The following PDE10A variants were observed in gnomAD, a reference collection of about 807,000 sequenced individuals.
The protein encoded by PDE10A is cAMP and cAMP-inhibited cGMP 3',5'-cyclic phosphodiesterase 10A.
A neutral mutation model predicts 97.7 loss-of-function variants in PDE10A; 39 were observed. The ratio of observed to expected loss-of-function variants is 0.40; its 90% CI spans 0.31 to 0.52. The LOEUF (loss-of-function observed/expected upper bound fraction) is 0.52, where lower values mean the gene tolerates loss of function less well. PDE10A is among the 20% of genes least tolerant of loss of function. The probability of loss-of-function intolerance (pLI) is 0.56; values close to 1 mark genes in which losing one functional copy is unlikely to be tolerated. For missense variants in PDE10A, 731 were observed against 1,047.8 expected, an observed-to-expected ratio of 0.70 and a Z score of 4.17; for synonymous variants, 371 against 376.8, an observed-to-expected ratio of 0.98 and a Z score of 0.18.
At chr6:165,850,934 A>T (rs1304490413) in intron 1 of PDE10A, among the ~76,000 whole-genome samples, 1 of 152,234 alleles carries the variant, frequency 6.6e-6, no homozygotes, top group African/African-American at 2.4e-5. Context: ...CAAAAGTAGT[A>T]TCTATGTTGT....
intron 1 of PDE10A, among the ~76,000 whole-genome samples, chr6:165,715,717 A>T (rs1379226695): frequency 2.6e-5 from 4 of 152,190 alleles, no homozygotes; most frequent in Non-Finnish European, 1.5e-5. Flanking sequence ...GAAAGAAGAC[A>T]GCATGTTACC....
chr6:165,787,310 GATA>G (rs981724148), intron 1 of PDE10A, among the ~76,000 whole-genome samples: 2 of 152,154 alleles, frequency 1.3e-5, no homozygotes, highest in Non-Finnish European at 2.9e-5. Flanking sequence ...GAAATGAAAT[GATA>G]ATGTTTTCCA....
At chr6:165,576,713 T>A (rs912161058) in intron 1 of PDE10A, among the ~76,000 whole-genome samples, 2 of 152,176 alleles carry the variant, frequency 1.3e-5, no homozygotes, top group African/African-American at 4.8e-5. Context: ...AATATCCCAG[T>A]CATCCTCCAA....
At chr6:165,336,325 A>C in intron 20 of PDE10A, 114 bp from the exon 21 acceptor site, 2 of 717,528 alleles carry the variant, frequency 2.8e-6, no homozygotes, top group Middle Eastern at 4.8e-4. Context: ...ATAAAATTGC[A>C]TGTTCTAGTT....
At chr6:165,371,922 T>C (rs1431663834) in intron 18 of PDE10A, among the ~76,000 whole-genome samples, 1 of 151,978 alleles carries the variant, frequency 6.6e-6, no homozygotes, top group Non-Finnish European at 1.5e-5. Flanking sequence ...GCTGGTTCAA[T>C]ATATGCAAAT....
chr6:165,402,522 G>A (rs943832466), intron 13 of PDE10A, among the ~76,000 whole-genome samples: 1 of 152,052 alleles, frequency 6.6e-6, no homozygotes, highest in Non-Finnish European at 1.5e-5. Flanking sequence ...CTTTTTAGGT[G>A]CATTTTGTAT....
chr6:165,359,706 G>C (rs1286615853), intron 18 of PDE10A, among the ~76,000 whole-genome samples: 1 of 152,022 alleles, frequency 6.6e-6, no homozygotes, highest in Admixed American at 6.6e-5. Context: ...CTTGATTGTG[G>C]GTCCTATTTT....
chr6:165,810,992 C>A (rs6918280), intron 1 of PDE10A, among the ~76,000 whole-genome samples: 150,315 of 152,318 alleles, frequency 0.99, 74,196 homozygotes, highest in East Asian at 1. Context: ...TTGGGAGGCC[C>A]AGGCTGGCAG....
At chr6:165,981,417 T>C (rs895137913) in intron 1 of PDE10A, among the ~76,000 whole-genome samples, 1 of 152,154 alleles carries the variant, frequency 6.6e-6, no homozygotes, top group Non-Finnish European at 1.5e-5. Context: ...GTCACAGAAA[T>C]TGGACCACCA....
intron 1 of PDE10A, among the ~76,000 whole-genome samples, chr6:165,847,139 C>T (rs1294360999): frequency 1.3e-5 from 2 of 152,210 alleles, no homozygotes; most frequent in Non-Finnish European, 2.9e-5. Context: ...CACCTAATCA[C>T]AGCAGATAGA....
chr6:165,525,940 G>A (rs1011573312), intron 2 of PDE10A, among the ~76,000 whole-genome samples: 6 of 152,128 alleles, frequency 3.9e-5, no homozygotes, highest in Admixed American at 3.3e-4. Context: ...ATGGACAAAA[G>A]AGTAATTTAA....
At chr6:165,480,764 G>A (rs1021572107) in intron 3 of PDE10A, among the ~76,000 whole-genome samples, 18 of 152,268 alleles carry the variant, frequency 1.2e-4, no homozygotes, top group South Asian at 1.0e-3. Context: ...AAGGTTGCCC[G>A]AGGAATTTCT....
At chr6:165,839,554 G>C (rs1405493526) in intron 1 of PDE10A, among the ~76,000 whole-genome samples, 1 of 152,116 alleles carries the variant, frequency 6.6e-6, no homozygotes, top group Non-Finnish European at 1.5e-5. Context: ...CGAAAGATGA[G>C]AGTGCTCTCT....
At position 165,516,797 on chromosome 6, in the gene PDE10A, C is replaced by T. The variant is rs564816788; in HGVS notation, c.994+26643G>A. Among the ~76,000 whole-genome samples, 10 of 152,226 alleles carry T rather than the reference C, an allele frequency of 6.6e-5. No homozygotes were observed. In the South Asian group the frequency reaches 1.9e-3, roughly 28 times the overall value. ...TTACTTTAAATTACATACATAATTA[C>T]TCCCTTTAACCATGTTCTTACAAAC... On this transcript the variant is annotated intron_variant, in intron 2 of 21. Transcript: ENST00000539869.
intron 1 of PDE10A, among the ~76,000 whole-genome samples, chr6:165,580,621 A>C (rs990724154): frequency 2.6e-5 from 4 of 152,232 alleles, no homozygotes; most frequent in Non-Finnish European, 5.9e-5. Context: ...AGCAGGACTT[A>C]TTTAATGGAC....
At chr6:165,779,241 T>G (rs574900761) in intron 1 of PDE10A, among the ~76,000 whole-genome samples, 6 of 152,360 alleles carry the variant, frequency 3.9e-5, no homozygotes, top group African/African-American at 1.4e-4. Context: ...CTTCCTTGAA[T>G]GCTCTCCTTC....
At chr6:165,680,721 T>C (rs1311917807) in intron 1 of PDE10A, among the ~76,000 whole-genome samples, 9 of 152,290 alleles carry the variant, frequency 5.9e-5, no homozygotes, top group African/African-American at 2.2e-4. Flanking sequence ...CTGGCCAACA[T>C]GGTGAAACCC....
chr6:165,850,126 C>T (rs573450893), intron 1 of PDE10A, among the ~76,000 whole-genome samples: 144 of 152,308 alleles, frequency 9.5e-4, no homozygotes, highest in African/African-American at 3.4e-3. Flanking sequence ...CCCAAGGACA[C>T]TCCTGTGTGA....
intron 1 of PDE10A, among the ~76,000 whole-genome samples, chr6:165,782,608 G>A (rs1778373667): frequency 1.3e-5 from 2 of 152,130 alleles, no homozygotes; most frequent in African/African-American, 4.8e-5. Flanking sequence ...CATTTCCTCT[G>A]GAACTTGGAA....
Sources: allele counts gnomAD v4.1 joint callset (sites outside exome capture counted in the v4.1 genomes callset), GRCh38; gene constraint gnomAD v4.1.1; transcripts MANE v1.5; gene names NCBI Gene and HGNC (gene_info 2026-07-23, HGNC 2026-07-21).